Variants in LINGO2 observed in about 807,000 individuals in gnomAD.
LINGO2 encodes leucine-rich repeat and immunoglobulin-like domain-containing nogo receptor-interacting protein 2.
Under a neutral mutation model 30.6 loss-of-function variants are expected in LINGO2, and 14 were observed. The ratio of observed to expected loss-of-function variants is 0.46; its 90% CI spans 0.30 to 0.72. The LOEUF (loss-of-function observed/expected upper bound fraction) is 0.72, where lower values mean the gene tolerates loss of function less well. LINGO2 is among the 30% of genes least tolerant of loss of function. The probability of loss-of-function intolerance (pLI) is 0.07; values close to 1 mark genes in which losing one functional copy is unlikely to be tolerated. For missense variants in LINGO2, 729 were observed against 751.7 expected (o/e 0.97, Z 0.35); for synonymous variants, 317 against 288.5 (o/e 1.10, Z -1.00).
rs1825338899 is a variant in LINGO2 at position 28,329,354 on chromosome 9, C to T, written c.-245-33988G>A. Reference sequence around the variant, plus strand: ...ACAAATACTCCCTTCAAAGCAGTACCTTCTGCCTGTTACTAAACCCCTTCT... The same window carrying T: ...ACAAATACTCCCTTCAAAGCAGTACTTTCTGCCTGTTACTAAACCCCTTCT... On this transcript the variant is annotated intron_variant, in intron 3 of 5. Coordinates refer to ENST00000379992, the Ensembl canonical transcript of LINGO2. This position sits in a 1 kb window ranked among gnomAD's most constrained non-coding sequence, Gnocchi z 4.5. Among the ~76,000 whole-genome samples the T allele has an allele frequency of 6.6e-6, 1 of 152,130 alleles. No individual in the cohort carries two copies. The highest frequency in any genetic ancestry group is 1.5e-5 in the Non-Finnish European group (1 of 68,026).
the LINGO2 span, among the ~76,000 whole-genome samples, chr9:28,879,468 G>T: frequency 6.6e-6 from 1 of 152,098 alleles, no homozygotes; most frequent in Admixed American, 6.6e-5. Flanking sequence ...TAAAAAGTCA[G>T]CTATATTAAC....
At chr9:28,245,886 G>A (rs1821979541) in intron 4 of LINGO2, among the ~76,000 whole-genome samples, 1 of 151,930 alleles carries the variant, frequency 6.6e-6, no homozygotes, top group African/African-American at 2.4e-5. Context: ...TTTATAGATT[G>A]AATGCTATTC....
chr9:28,946,699 A>G, the LINGO2 span, among the ~76,000 whole-genome samples: 1 of 152,226 alleles, frequency 6.6e-6, no homozygotes, highest in Admixed American at 6.5e-5. Flanking sequence ...TTTTCCCCCC[A>G]TTACATAACA....
intron 2 of LINGO2, among the ~76,000 whole-genome samples, chr9:28,413,396 C>T (rs1044377843): frequency 6.6e-6 from 1 of 152,076 alleles, no homozygotes; most frequent in African/African-American, 2.4e-5. Context: ...CCTGTTCCTC[C>T]TTTCCCCATA....
At chr9:27,955,689 T>G (rs999674325) in intron 5 of LINGO2, among the ~76,000 whole-genome samples, 8 of 152,162 alleles carry the variant, frequency 5.3e-5, no homozygotes, top group African/African-American at 1.9e-4. Flanking sequence ...GCTATTCAAC[T>G]ATTTTTGGAA....
At chr9:28,874,900 T>C in the LINGO2 span, among the ~76,000 whole-genome samples, 1 of 152,134 alleles carries the variant, frequency 6.6e-6, no homozygotes, top group Non-Finnish European at 1.5e-5. Context: ...TGTGCCCCAC[T>C]ACAGGTCCTT....
intron 4 of LINGO2, among the ~76,000 whole-genome samples, chr9:28,196,028 C>T (rs1819997998): frequency 6.6e-6 from 1 of 151,344 alleles, no homozygotes; most frequent in Non-Finnish European, 1.5e-5. Flanking sequence ...ATTAATAAAT[C>T]AATATAAAAA....
chr9:28,732,904 G>C, the LINGO2 span, among the ~76,000 whole-genome samples: 7 of 152,300 alleles, frequency 4.6e-5, no homozygotes, highest in Admixed American at 4.6e-4. Flanking sequence ...CTGGCCTGAT[G>C]CTATTTTGGA....
the LINGO2 span, among the ~76,000 whole-genome samples, chr9:28,881,937 T>C: frequency 6.6e-6 from 1 of 152,226 alleles, no homozygotes; most frequent in African/African-American, 2.4e-5. Flanking sequence ...TGTTAACTAT[T>C]GTCTTTTCAT....
intron 1 of LINGO2, among the ~76,000 whole-genome samples, chr9:28,628,282 T>C (rs1826775619): frequency 6.6e-6 from 1 of 152,070 alleles, no homozygotes; most frequent in Non-Finnish European, 1.5e-5. Flanking sequence ...GCATATAATA[T>C]ATCTTTGAAG....
chr9:27,975,722 T>G (rs371289982), intron 5 of LINGO2, among the ~76,000 whole-genome samples: 9 of 152,148 alleles, frequency 5.9e-5, no homozygotes, highest in African/African-American at 1.9e-4. Context: ...CAAAACACTG[T>G]TATGTCTTAT....
intron 5 of LINGO2, among the ~76,000 whole-genome samples, chr9:28,010,265 C>A (rs187116868): frequency 1.1e-3 from 173 of 152,198 alleles, no homozygotes; most frequent in African/African-American, 4.0e-3. Flanking sequence ...ATTAAATTTT[C>A]TTTTTAATTA....
At chr9:28,473,617 A>G (rs577091396) in intron 2 of LINGO2, among the ~76,000 whole-genome samples, 1 of 152,198 alleles carries the variant, frequency 6.6e-6, no homozygotes, top group South Asian at 2.1e-4. Flanking sequence ...GTAGATGTAG[A>G]GGCACTGATT....
chr9:28,405,021 A>G (rs541866801), intron 2 of LINGO2, among the ~76,000 whole-genome samples: 2 of 152,158 alleles, frequency 1.3e-5, no homozygotes, highest in African/African-American at 4.8e-5. Flanking sequence ...TTAATTTTCA[A>G]TTAAATTTAA....
the LINGO2 span, among the ~76,000 whole-genome samples, chr9:29,051,228 T>A: frequency 6.6e-6 from 1 of 152,138 alleles, no homozygotes; most frequent in Non-Finnish European, 1.5e-5. Context: ...TATACTGACA[T>A]ATACCCACTA....
Position 28,020,038 on chromosome 9 carries a change from G to A in LINGO2, c.-86-7633C>T, listed in dbSNP as rs140324053. The stretch of plus-strand genomic sequence containing the variant: ...GCCCGGGAAGATGTGTTGTACAAGT[G>A]CCCCCAAGTGATTCATAGAAATAGC... On this transcript the variant is annotated intron_variant, in intron 4 of 5. Coordinates refer to ENST00000379992, the Ensembl canonical transcript of LINGO2. 1.9e-3 allele frequency among the ~76,000 whole-genome samples: 287 copies of A among 152,196 alleles called. 2 individuals are homozygous for A. Among genetic ancestry groups the A allele is most frequent in the Middle Eastern group, 0.014 (4 of 294 alleles).
intron 1 of LINGO2, among the ~76,000 whole-genome samples, chr9:28,645,736 A>T (rs547501454): frequency 1.3e-5 from 2 of 152,242 alleles, no homozygotes; most frequent in East Asian, 3.9e-4. Flanking sequence ...TGGTAGCCCT[A>T]TCTACTGAAA....
At chr9:28,847,383 T>C in the LINGO2 span, among the ~76,000 whole-genome samples, 1 of 147,960 alleles carries the variant, frequency 6.8e-6, no homozygotes, top group South Asian at 2.1e-4. Flanking sequence ...AGACTTAATA[T>C]GTCAGATTTT....
chr9:28,960,375 C>A, the LINGO2 span, among the ~76,000 whole-genome samples: 2 of 151,728 alleles, frequency 1.3e-5, no homozygotes, highest in African/African-American at 4.8e-5. Context: ...CAGTGGGCAC[C>A]TGCAGTTCCA....
Sources: gnomAD v4.1 joint callset for allele counts (sites outside exome capture counted in the v4.1 genomes callset) on GRCh38, gnomAD v4.1.1 for gene constraint, Gnocchi (gnomAD v3.1) non-coding constraint, MANE v1.5 for transcripts, NCBI Gene and HGNC (gene_info 2026-07-23, HGNC 2026-07-21) for gene names.